The following ROR1 variants were observed in gnomAD, a reference collection of about 807,000 sequenced individuals.
ROR1 encodes inactive tyrosine-protein kinase transmembrane receptor ROR1.
In ROR1, 19 loss-of-function variants were observed where a neutral mutation model predicts 78.8. The ratio of observed to expected loss-of-function variants is 0.24; its 90% CI spans 0.17 to 0.35. ROR1 has a LOEUF of 0.35. Among genes scored for constraint, ROR1 ranks in the 10% least tolerant of loss-of-function variants. ROR1 has a pLI of 1.00. For synonymous variants in ROR1, 386 were observed against 433.6 expected (o/e 0.89, Z 1.36); for missense variants, 917 against 1,177.8 (o/e 0.78, Z 3.24).
At chr1:63,859,721 A>G (rs548016453) in intron 1 of ROR1, among the ~76,000 whole-genome samples, 1 of 152,296 alleles carries the variant, frequency 6.6e-6, no homozygotes, top group South Asian at 2.1e-4. Flanking sequence ...GCCCTCCCTC[A>G]CTGTACAGCT....
chr1:63,807,505 G>A (rs1055042120), intron 1 of ROR1, among the ~76,000 whole-genome samples: 1 of 152,202 alleles, frequency 6.6e-6, no homozygotes. Context: ...CATCTAAGAT[G>A]TGTCCTGCTG....
In ROR1 at chr1:63,891,464, G is replaced by A. The variant is rs141454797; in HGVS notation, c.91+116956G>A. 4.1e-3 allele frequency among the ~76,000 whole-genome samples: 624 copies of A among 152,204 alleles called. 3 individuals carry two copies. The highest frequency in any genetic ancestry group is 5.3e-3 in the Non-Finnish European group (361 of 68,008). On this transcript the variant is annotated intron_variant, in intron 1 of 8. Transcript: ENST00000371079. The stretch of plus-strand genomic sequence containing the variant: ...CATGGGAAGACTTGCAGGTGTGAGC[G>A]GTTGCCTAGGAATGTCATTTCAGGA...
intron 1 of ROR1, among the ~76,000 whole-genome samples, chr1:63,881,627 T>C (rs984695066): frequency 1.3e-5 from 2 of 152,174 alleles, no homozygotes; most frequent in East Asian, 3.9e-4. Flanking sequence ...AGAGATCTTA[T>C]ATGAGCATGG....
At chr1:64,007,117 G>T (rs572363022) in intron 1 of ROR1, among the ~76,000 whole-genome samples, 1 of 152,080 alleles carries the variant, frequency 6.6e-6, no homozygotes, top group African/African-American at 2.4e-5. Context: ...AAGAGACCTG[G>T]GTTTGAATTG....
intron 4 of ROR1, among the ~76,000 whole-genome samples, chr1:64,089,976 G>T (rs904049022): frequency 6.6e-6 from 1 of 152,032 alleles, no homozygotes; most frequent in African/African-American, 2.4e-5. Flanking sequence ...CTGCCACCAT[G>T]TAAGACACTT....
At chr1:63,948,314 A>G (rs1645906929) in intron 1 of ROR1, among the ~76,000 whole-genome samples, 1 of 152,068 alleles carries the variant, frequency 6.6e-6, no homozygotes, top group Non-Finnish European at 1.5e-5. Flanking sequence ...ATATACATAT[A>G]TAATAGAGGT....
intron 2 of ROR1, among the ~76,000 whole-genome samples, chr1:64,022,255 A>G (rs1646571043): frequency 6.6e-6 from 1 of 152,172 alleles, no homozygotes; most frequent in East Asian, 1.9e-4. Context: ...GAAGGGAGCA[A>G]TTGCTTTATA....
intron 1 of ROR1, among the ~76,000 whole-genome samples, chr1:63,922,495 A>AGGTTTTCATTTAGAGAACCACCTGACCTC (rs1645664315): frequency 6.6e-6 from 1 of 152,164 alleles, no homozygotes; most frequent in Admixed American, 6.6e-5. Flanking sequence ...GCATGAGTTT[A>AGGTTTTCATTTAGAGAACCACCTGACCTC]TGTCGAAGCC....
At chr1:64,150,919 C>T (rs768545557) in intron 7 of ROR1, among the ~76,000 whole-genome samples, 1 of 152,204 alleles carries the variant, frequency 6.6e-6, no homozygotes, top group African/African-American at 2.4e-5. Context: ...CAATAAGCTT[C>T]TGAAACCTCT....
chr1:64,085,955 A>AT (rs1557644763), intron 4 of ROR1, among the ~76,000 whole-genome samples: 1 of 152,212 alleles, frequency 6.6e-6, no homozygotes, highest in East Asian at 1.9e-4. Context: ...GTTGGTTATC[A>AT]TGGCGGGAAA....
rs574470188 is a variant in ROR1, at chr1:64,146,463, G to A, written c.1174+3813G>A. Among the ~76,000 whole-genome samples the A allele has an allele frequency of 8.5e-5, 13 of 152,262 alleles. No individual in the cohort carries two copies. The South Asian group carries it at 2.3e-3, about 27-fold the overall frequency. ...TGCACTCCAGCCTGGGCGATAGAGC[G>A]AGACTCAGTCTCAAGAAGAAAAAAG... On this transcript the variant is annotated intron_variant, in intron 7 of 8. Coordinates refer to ENST00000371079, the MANE Select transcript of ROR1 (RefSeq NM_005012.4).
chr1:63,774,747 G>C lies in ROR1; in HGVS notation c.91+239G>C, dbSNP rs1221350576. Among the ~76,000 whole-genome samples, 1 of 151,752 alleles carries C rather than the reference G, an allele frequency of 6.6e-6. No homozygotes were observed. Among genetic ancestry groups the C allele is most frequent in the Non-Finnish European group, 1.5e-5 (1 of 67,878 alleles). ...GGGCGCGCCCAGGGACTCGTTCCTCGGTGCGCAGCAGCGATTGTCAGCGCT... is the reference window on the plus strand; with the variant it reads ...GGGCGCGCCCAGGGACTCGTTCCTCCGTGCGCAGCAGCGATTGTCAGCGCT... On this transcript the variant is annotated intron_variant, in intron 1 of 8. Coordinates refer to ENST00000371079, the MANE Select transcript of ROR1 (RefSeq NM_005012.4). The surrounding 1 kb of genome is among the most constrained non-coding windows in gnomAD (Gnocchi z 5.7).
chr1:64,029,665 A>C (rs961042797), intron 2 of ROR1, among the ~76,000 whole-genome samples: 3 of 152,006 alleles, frequency 2.0e-5, no homozygotes, highest in African/African-American at 4.8e-5. Flanking sequence ...TGACAGAGAG[A>C]GAGGTCCTTA....
At chr1:63,870,648 G>A (rs1465802400) in intron 1 of ROR1, among the ~76,000 whole-genome samples, 1 of 152,178 alleles carries the variant, frequency 6.6e-6, no homozygotes, top group East Asian at 1.9e-4. Flanking sequence ...GGCTGAATGT[G>A]TCTGATGCTC....
At chr1:63,929,075 C>T (rs1219843046) in intron 1 of ROR1, among the ~76,000 whole-genome samples, 1 of 152,348 alleles carries the variant, frequency 6.6e-6, no homozygotes, top group Non-Finnish European at 1.5e-5. Flanking sequence ...CAGATTGACA[C>T]TTCCTGCCTC....
intron 1 of ROR1, among the ~76,000 whole-genome samples, chr1:63,949,297 A>G (rs2100467534): frequency 6.6e-6 from 1 of 152,240 alleles, no homozygotes; most frequent in East Asian, 1.9e-4. Flanking sequence ...CCTTCTTACC[A>G]ATGACTTTCT....
chr1:63,979,599 C>T (rs1371058191), intron 1 of ROR1, among the ~76,000 whole-genome samples: 1 of 152,132 alleles, frequency 6.6e-6, no homozygotes, highest in Non-Finnish European at 1.5e-5. Flanking sequence ...TTCTTCTGGC[C>T]TTCAGTCTTC....
At chr1:63,934,719 A>G (rs1055731926) in intron 1 of ROR1, among the ~76,000 whole-genome samples, 4 of 152,104 alleles carry the variant, frequency 2.6e-5, no homozygotes, top group African/African-American at 7.2e-5. Context: ...ATATTTTACA[A>G]TTTTGGCTTT....
At chr1:63,807,233 T>C (rs1402236364) in intron 1 of ROR1, among the ~76,000 whole-genome samples, 1 of 152,214 alleles carries the variant, frequency 6.6e-6, no homozygotes, top group Non-Finnish European at 1.5e-5. Context: ...ACGGAAATGC[T>C]GTTTTAACTG....
Sources: gnomAD v4.1 joint callset for allele counts (sites outside exome capture counted in the v4.1 genomes callset) on GRCh38, gnomAD v4.1.1 for gene constraint, Gnocchi (gnomAD v3.1) non-coding constraint, MANE v1.5 for transcripts, NCBI Gene and HGNC (gene_info 2026-07-23, HGNC 2026-07-21) for gene names.